RYR2: variants seen among roughly 807,000 people sequenced by gnomAD.
The protein encoded by RYR2 is cardiac muscle ryanodine receptor-calcium release channel.
RYR2 carries 227 observed loss-of-function variants against 601.1 expected under a neutral mutation model. That is an observed-to-expected ratio of 0.38 (90% CI 0.34 to 0.42). The LOEUF (loss-of-function observed/expected upper bound fraction) is 0.42. Ranked by LOEUF, RYR2 falls within the 10% of genes least tolerant of loss-of-function variation. The pLI, the probability that RYR2 is intolerant of heterozygous loss-of-function variation, is 1.00. For synonymous variants in RYR2, 2,223 were observed against 2,175.1 expected, an observed-to-expected ratio of 1.02 and a Z score of -0.61; for missense variants, 4,646 against 6,156.5, an observed-to-expected ratio of 0.75 and a Z score of 8.21.
chr1:237,780,785 T>G (rs2149342489), intron 88 of RYR2, among the ~76,000 whole-genome samples: 1 of 152,322 alleles, frequency 6.6e-6, no homozygotes, highest in Non-Finnish European at 1.5e-5. Flanking sequence ...GTGTAGGTTT[T>G]TGGTTAATTT....
At chr1:237,264,502 C>G (rs1419898229) in intron 1 of RYR2, among the ~76,000 whole-genome samples, 1 of 152,042 alleles carries the variant, frequency 6.6e-6, no homozygotes, top group Non-Finnish European at 1.5e-5. Flanking sequence ...CTGCAATGTC[C>G]AAAGTGGGCA....
At chr1:237,694,551 T>TA (rs548841347) in intron 63 of RYR2, among the ~76,000 whole-genome samples, 42 of 152,234 alleles carry the variant, frequency 2.8e-4, no homozygotes, top group African/African-American at 7.9e-4. Flanking sequence ...ATATATACTG[T>TA]AAAAAATCCT....
At position 237,723,323 on chromosome 1, in the gene RYR2, A is replaced by C. The variant is rs1264109973; in HGVS notation, c.10689+61A>C. ...AGCCACATACAAATATTTTAAAAAGAGAATGTGTGTTAATTTGTTAACTAT... is the reference window on the plus strand; with the variant it reads ...AGCCACATACAAATATTTTAAAAAGCGAATGTGTGTTAATTTGTTAACTAT... On this transcript the variant is annotated intron_variant, in intron 74 of 104. Transcript: ENST00000366574. 13 of 1,353,494 alleles carry C rather than the reference A, an allele frequency of 9.6e-6. No individual in the cohort carries two copies. The Admixed American group carries it at 2.3e-4, about 24-fold the overall frequency. 83.8% of individuals were successfully genotyped at this position (1,353,494 alleles called of 1,614,324 possible).
At chr1:237,049,180 G>A (rs1315336793) in intron 1 of RYR2, among the ~76,000 whole-genome samples, 1 of 152,200 alleles carries the variant, frequency 6.6e-6, no homozygotes, top group East Asian at 1.9e-4. Flanking sequence ...ATGAACAAAG[G>A]AGAGTAAGAG....
chr1:237,638,367 A>G lies in RYR2; in HGVS notation c.6803A>G (p.Tyr2268Cys). Reference sequence around the variant, plus strand: ...TCATGTTGTTTGCAGGTAGTTCGTTATTTGGCTGGTTGTGGACTGCAAAGT... The same window carrying G: ...TCATGTTGTTTGCAGGTAGTTCGTTGTTTGGCTGGTTGTGGACTGCAAAGT... Reference protein sequence around the residue: ...REPDLEKVVRYLAGCGLQSCQ... With the variant: ...REPDLEKVVRCLAGCGLQSCQ... The change falls in exon 45 of 105, where the codon TAT becomes TGT. Residue 2268 changes from tyrosine (Y) to cysteine (C), a missense_variant. By Grantham distance (194) the Tyr-to-Cys change is radical (BLOSUM62 -2). Coordinates refer to ENST00000366574, the MANE Select transcript of RYR2 (RefSeq NM_001035.3). The G allele has an allele frequency of 1.9e-6, 3 of 1,613,896 alleles. No homozygotes were observed. Among genetic ancestry groups the G allele is most frequent in the Non-Finnish European group, 2.5e-6 (3 of 1,179,840 alleles).
chr1:237,718,354 T>C (rs946895983), intron 72 of RYR2, 108 bp from the exon 73 acceptor site: 1 of 521,388 alleles, frequency 1.9e-6, no homozygotes, highest in Non-Finnish European at 3.4e-6. Flanking sequence ...TTTATAAAGA[T>C]GTTTCTCAGA....
chr1:237,501,030 G>A (rs776280614), intron 21 of RYR2, 127 bp downstream of exon 21: 61 of 892,184 alleles, frequency 6.8e-5, no homozygotes, highest in Non-Finnish European at 9.0e-5. Flanking sequence ...TGTCCTCTGC[G>A]CATTTTGCCT....
In RYR2 at chr1:237,666,525, C is replaced by T. The variant is rs765782802; in HGVS notation, c.8450C>T (p.Ala2817Val). The change falls in exon 57 of 105, where the codon GCT (alanine) becomes GTT (valine). Residue 2817 changes from alanine (A) to valine (V), a missense_variant. By Grantham distance (64) the Ala-to-Val change is moderately conservative (BLOSUM62 0). Around this residue, in one of 17 missense-constraint regions of RYR2, gnomAD observed 1,497 missense variants for 1,842.6 expected, o/e 0.81. Transcript: ENST00000366574. ...ISQTSQVSVDAAHGYSPRAID... is the reference protein window; with the variant it reads ...ISQTSQVSVDVAHGYSPRAID... The stretch of plus-strand genomic sequence containing the variant: ...CAAATGATCTAGGTTTCTGTGGACG[C>T]TGCCCATGGTTACAGTCCCCGGGCC... 29 of 1,612,028 alleles carry T rather than the reference C, an allele frequency of 1.8e-5. No individual in the cohort carries two copies. In the South Asian group the frequency reaches 1.9e-4, roughly 10 times the overall value.
chr1:237,597,529 C>T (rs537086891), intron 34 of RYR2, among the ~76,000 whole-genome samples: 162 of 151,886 alleles, frequency 1.1e-3, no homozygotes, highest in African/African-American at 3.9e-3. Context: ...ATCCGCTCAC[C>T]TCGGCCTCCC....
intron 1 of RYR2, among the ~76,000 whole-genome samples, chr1:237,129,226 G>A (rs140732771): frequency 1.2e-3 from 186 of 152,208 alleles, no homozygotes; most frequent in African/African-American, 4.1e-3. Flanking sequence ...CTATTTCCAC[G>A]CAACAGCTAG....
chr1:237,372,141 T>A (rs1356554954), intron 6 of RYR2, among the ~76,000 whole-genome samples: 1 of 152,232 alleles, frequency 6.6e-6, no homozygotes, highest in Non-Finnish European at 1.5e-5. Context: ...TAATTTGATT[T>A]TAATTGTCTA....
chr1:237,664,723 G>A (rs1684137048), intron 56 of RYR2, among the ~76,000 whole-genome samples: 1 of 152,204 alleles, frequency 6.6e-6, no homozygotes, highest in African/African-American at 2.4e-5. Context: ...ACATAATAAT[G>A]GATGAAGGGG....
intron 1 of RYR2, among the ~76,000 whole-genome samples, chr1:237,172,546 C>T (rs1677528074): frequency 6.6e-6 from 1 of 151,780 alleles, no homozygotes; most frequent in East Asian, 1.9e-4. Flanking sequence ...AGAACATTCT[C>T]ACAGGCAGGT....
At chr1:237,500,569 T>G in intron 20 of RYR2, 142 bp from the exon 21 acceptor site, 1 of 646,378 alleles carries the variant, frequency 1.5e-6, no homozygotes, top group Non-Finnish European at 2.6e-6. Context: ...ACATGTAACA[T>G]GCGTTTACAT....
chr1:237,541,646 G>A (rs1317276993), intron 25 of RYR2, among the ~76,000 whole-genome samples: 1 of 152,078 alleles, frequency 6.6e-6, no homozygotes, highest in African/African-American at 2.4e-5. Context: ...AATCACCTGG[G>A]TGCAGGTGGG....
At chr1:237,505,467 G>C (rs149209062) in intron 22 of RYR2, among the ~76,000 whole-genome samples, 1 of 152,136 alleles carries the variant, frequency 6.6e-6, no homozygotes, top group African/African-American at 2.4e-5. Flanking sequence ...TCCTCAAATC[G>C]TATTTCTTGT....
intron 29 of RYR2, among the ~76,000 whole-genome samples, chr1:237,581,406 T>C (rs1673902710): frequency 1.3e-5 from 2 of 152,176 alleles, no homozygotes; most frequent in Non-Finnish European, 2.9e-5. Flanking sequence ...ACTCATGGAA[T>C]TCCTTTCCTC....
At chr1:237,324,314 A>G (rs1444521846) in intron 2 of RYR2, among the ~76,000 whole-genome samples, 1 of 152,190 alleles carries the variant, frequency 6.6e-6, no homozygotes, top group Non-Finnish European at 1.5e-5. Flanking sequence ...TAAAACAACA[A>G]CCACCACTTT....
At chr1:237,100,960 G>C (rs1454425815) in intron 1 of RYR2, among the ~76,000 whole-genome samples, 5 of 151,956 alleles carry the variant, frequency 3.3e-5, no homozygotes, top group African/African-American at 1.2e-4. Flanking sequence ...TTGTCACCAT[G>C]TGATGTTGGG....
Sources: allele counts gnomAD v4.1 joint callset (sites outside exome capture counted in the v4.1 genomes callset), GRCh38; gene constraint gnomAD v4.1.1; regional missense constraint gnomAD v4.1.1; transcripts MANE v1.5; gene names NCBI Gene and HGNC (gene_info 2026-07-23, HGNC 2026-07-21).